USP24: variants seen among roughly 807,000 people sequenced by gnomAD.
USP24 encodes the protein ubiquitin specific peptidase 24.
In USP24, 97 loss-of-function variants were observed where a neutral mutation model predicts 361.6. The ratio of observed to expected loss-of-function variants is 0.27; its 90% CI spans 0.23 to 0.32. The LOEUF (loss-of-function observed/expected upper bound fraction) is 0.32, where lower values mean the gene tolerates loss of function less well. Among genes scored for constraint, USP24 ranks in the 10% least tolerant of loss-of-function variants. USP24 has a pLI of 1.00. For synonymous variants in USP24, 1,098 were observed against 1,124.6 expected, an observed-to-expected ratio of 0.98 and a Z score of 0.47; for missense variants, 2,353 against 3,165.6, an observed-to-expected ratio of 0.74 and a Z score of 6.16.
At chr1:55,154,549 T>A in intron 13 of USP24, 83 bp from the exon 14 acceptor site, 1 of 1,490,194 alleles carries the variant, frequency 6.7e-7, no homozygotes, top group Non-Finnish European at 9.1e-7. Flanking sequence ...GCTAAAAACA[T>A]TAACAACGTA....
At chr1:55,138,773 A>T in intron 25 of USP24, 55 bp from the exon 26 acceptor site, 2 of 1,377,908 alleles carry the variant, frequency 1.5e-6, no homozygotes, top group Non-Finnish European at 2.0e-6. Context: ...AAACACATCA[A>T]AAATACATAT....
intron 54 of USP24, among the ~76,000 whole-genome samples, chr1:55,091,671 C>G (rs1430533209): frequency 6.6e-6 from 1 of 152,154 alleles, no homozygotes; most frequent in East Asian, 1.9e-4. Flanking sequence ...CTCAGGCTTT[C>G]CTTTCTGCCT....
intron 30 of USP24, among the ~76,000 whole-genome samples, chr1:55,133,288 C>A (rs1325251479): frequency 6.6e-6 from 1 of 152,144 alleles, no homozygotes; most frequent in Non-Finnish European, 1.5e-5. Context: ...TAAGGAACAA[C>A]ATTCTAACAA....
intron 1 of USP24, among the ~76,000 whole-genome samples, chr1:55,208,675 C>T (rs115921842): frequency 3.3e-5 from 5 of 151,426 alleles, no homozygotes; most frequent in East Asian, 1.9e-4. Context: ...CGGTGGTTCA[C>T]GGCTGTAATC....
At chr1:55,087,648 T>C (rs1183512719) in intron 55 of USP24, among the ~76,000 whole-genome samples, 1 of 152,256 alleles carries the variant, frequency 6.6e-6, no homozygotes, top group Non-Finnish European at 1.5e-5. Context: ...GATATATGCA[T>C]GCATGCCTGA....
chr1:55,077,632 C>A (rs1645057750), intron 61 of USP24, among the ~76,000 whole-genome samples: 1 of 152,064 alleles, frequency 6.6e-6, no homozygotes, highest in South Asian at 2.1e-4. Context: ...GCTGGTAGAG[C>A]TACAAGAATA....
At chr1:55,172,074 C>A (rs1649508984) in intron 4 of USP24, among the ~76,000 whole-genome samples, 1 of 152,098 alleles carries the variant, frequency 6.6e-6, no homozygotes, top group South Asian at 2.1e-4. Context: ...GGCCAGAAAC[C>A]AAACTCCATC....
At chr1:55,102,528 T>A (rs1645661098) in intron 42 of USP24, among the ~76,000 whole-genome samples, 1 of 152,210 alleles carries the variant, frequency 6.6e-6, no homozygotes, top group Non-Finnish European at 1.5e-5. Flanking sequence ...TCTGCATCCA[T>A]GTAATAACCA....
intron 1 of USP24, among the ~76,000 whole-genome samples, chr1:55,199,041 G>A (rs776806531): frequency 1.3e-5 from 2 of 152,118 alleles, no homozygotes; most frequent in Admixed American, 6.5e-5. Context: ...TGTAATCCTG[G>A]CACTTTGAGA....
At chr1:55,132,253 A>G (rs1228850326) in intron 31 of USP24, among the ~76,000 whole-genome samples, 4 of 152,128 alleles carry the variant, frequency 2.6e-5, no homozygotes, top group African/African-American at 9.7e-5. Flanking sequence ...TGGTGCCTTG[A>G]TCTTGGACTC....
chr1:55,132,638 T>C lies in USP24; in HGVS notation c.3444A>G (p.Gln1148=), dbSNP rs891245465. Residue 1148 remains glutamine (Q), a synonymous_variant, in exon 31 of 68, where the codon CAA becomes CAG. Transcript: ENST00000294383. ...TTGAACTGGCACTTGGCTGGTGCTG[T>C]TGCTTTGATGACAGGGATGGAGATT... ...SSKSPSLSSK[Q]QHQPSASSIL... is the part of the protein sequence containing the mutation. 3 of 1,613,678 alleles carry C rather than the reference T, an allele frequency of 1.9e-6. No individual in the cohort carries two copies. Among genetic ancestry groups the C allele is most frequent in the Non-Finnish European group, 2.5e-6 (3 of 1,179,784 alleles).
intron 20 of USP24, 91 bp from the exon 21 acceptor site, chr1:55,144,294 A>G (rs1201738517): frequency 1.3e-6 from 1 of 778,780 alleles, no homozygotes; most frequent in South Asian, 2.8e-5. Flanking sequence ...AACTAAAACC[A>G]TAAGACTCTT....
chr1:55,117,519 G>A (rs1470181779), intron 38 of USP24, among the ~76,000 whole-genome samples: 1 of 151,928 alleles, frequency 6.6e-6, no homozygotes, highest in Admixed American at 6.6e-5. Flanking sequence ...ATGAGGTCAG[G>A]AGATCGAGAC....
Position 55,148,468 on chromosome 1 carries a change from C to T in USP24, c.1963G>A (p.Asp655Asn). Reference protein sequence around the residue: ...SFIKQTYQKQDKSIIQDLKKN... With the variant: ...SFIKQTYQKQNKSIIQDLKKN... ...AAAAATAGCTATACCCTTACCTTGT[C>T]TTGCTTTTGATAGGTTTGTTTTATG... The change falls in exon 17 of 68, where the codon GAC (aspartate) becomes AAC (asparagine). Residue 655 changes from aspartate to asparagine, a missense_variant. Transcript: ENST00000294383. The T allele has an allele frequency of 1.3e-6, 2 of 1,572,268 alleles. No homozygotes were observed. The highest frequency in any genetic ancestry group is 1.7e-6 in the Non-Finnish European group (2 of 1,157,442).
At chr1:55,092,562 A>G (rs1265598752) in intron 53 of USP24, among the ~76,000 whole-genome samples, 1 of 152,212 alleles carries the variant, frequency 6.6e-6, no homozygotes, top group Non-Finnish European at 1.5e-5. Flanking sequence ...CTATTCTAAG[A>G]TTCTTTTATA....
chr1:55,157,232 T>A (rs1327471483), intron 11 of USP24, 24 bp downstream of exon 11: 1 of 1,519,740 alleles, frequency 6.6e-7, no homozygotes, highest in Admixed American at 2.0e-5. Flanking sequence ...TGTTAGGTAA[T>A]TTTTATTTTT....
At chr1:55,181,390 A>G (rs1178983602) in intron 1 of USP24, among the ~76,000 whole-genome samples, 2 of 152,220 alleles carry the variant, frequency 1.3e-5, no homozygotes, top group South Asian at 2.1e-4. Flanking sequence ...AATGCATGGG[A>G]AAAATTCAGT....
intron 1 of USP24, among the ~76,000 whole-genome samples, chr1:55,190,971 TTA>T: frequency 6.6e-6 from 1 of 152,362 alleles, no homozygotes; most frequent in East Asian, 1.9e-4. Flanking sequence ...TTGCTGCTTT[TTA>T]TGATACTCCA....
At chr1:55,120,292 A>C (rs1646242773) in intron 38 of USP24, among the ~76,000 whole-genome samples, 2 of 152,182 alleles carry the variant, frequency 1.3e-5, no homozygotes. Flanking sequence ...GGATCAGTAT[A>C]ACCTTTACAC....
Sources: allele counts gnomAD v4.1 joint callset (sites outside exome capture counted in the v4.1 genomes callset), GRCh38; gene constraint gnomAD v4.1.1; transcripts MANE v1.5; gene names NCBI Gene and HGNC (gene_info 2026-07-23, HGNC 2026-07-21).